MEF2A: variants seen among roughly 807,000 people sequenced by gnomAD.
MEF2A encodes the protein myocyte-specific enhancer factor 2A.
A neutral mutation model predicts 55.8 loss-of-function variants in MEF2A; 28 were observed. The observed-to-expected ratio is 0.50, with a 90% CI of 0.37 to 0.69. The LOEUF (loss-of-function observed/expected upper bound fraction) is 0.69. MEF2A is among the 30% of genes least tolerant of loss of function. MEF2A has a pLI of 0.00. For missense variants in MEF2A, 528 were observed against 626.2 expected (o/e 0.84, Z 1.67); for synonymous variants, 239 against 227.1 (o/e 1.05, Z -0.47).
chr15:99,648,739 G>A lies in MEF2A; in HGVS notation c.258+2975G>A, dbSNP rs144458256. ...GACAGAGTCTTGAGTATATTAACAT[G>A]GCGTCTTCATTAGATGTGTTCCTCT... is the stretch of plus-strand genomic sequence containing the variant. On this transcript the variant is annotated intron_variant, in intron 4 of 11. Transcript: ENST00000557942. Among the ~76,000 whole-genome samples, 467 of 152,154 alleles carry A rather than the reference G, an allele frequency of 3.1e-3. 4 individuals carry two copies. Among genetic ancestry groups the A allele is most frequent in the African/African-American group, 0.01 (431 of 41,508 alleles).
intron 1 of MEF2A, among the ~76,000 whole-genome samples, chr15:99,571,387 A>G (rs1011260084): frequency 6.6e-6 from 1 of 152,200 alleles, no homozygotes; most frequent in South Asian, 2.1e-4. Context: ...TGTGTATTAT[A>G]AAGTGCAGTG....
chr15:99,716,371 T>C lies in MEF2A; in HGVS notation c.*3600T>C, dbSNP rs534904387. 2 of 368,302 alleles carry C rather than the reference T, an allele frequency of 5.4e-6. No homozygotes were observed. Among genetic ancestry groups the C allele is most frequent in the Non-Finnish European group, 1.1e-5 (2 of 182,942 alleles). The allele number at this position is 368,302 out of a possible 1,614,324, so 22.8% of individuals were successfully genotyped here. A position where few individuals can be genotyped will look rare whatever the true frequency, so the allele number is the denominator to read the frequency against. ...TCCCTGAATGTGTTGTTTTTCTTCATTATACAATAAATATAATAGTGAACT... is the reference window on the plus strand; with the variant it reads ...TCCCTGAATGTGTTGTTTTTCTTCACTATACAATAAATATAATAGTGAACT... On this transcript the variant is annotated 3_prime_UTR_variant, in exon 12 of 12. Transcript: ENST00000557942.
chr15:99,580,637 A>G (rs978812806), intron 1 of MEF2A, among the ~76,000 whole-genome samples: 2 of 152,224 alleles, frequency 1.3e-5, no homozygotes, highest in African/African-American at 2.4e-5. Flanking sequence ...AAGGTTATTC[A>G]GAGGTTTGTG....
intron 7 of MEF2A, among the ~76,000 whole-genome samples, chr15:99,682,436 G>A (rs1199036139): frequency 6.6e-6 from 1 of 151,866 alleles, no homozygotes; most frequent in Non-Finnish European, 1.5e-5. Flanking sequence ...TCCTAGGTTT[G>A]TAAACTGTGG....
At chr15:99,610,999 C>T (rs765363521) in intron 2 of MEF2A, among the ~76,000 whole-genome samples, 5 of 152,146 alleles carry the variant, frequency 3.3e-5, no homozygotes, top group South Asian at 2.1e-4. Flanking sequence ...CCCAGCACTT[C>T]GGGAGGCCGA....
rs141221668 is a variant in MEF2A, at chr15:99,626,854, C to T, written c.-142-6124C>T. 3.0e-3 allele frequency among the ~76,000 whole-genome samples: 458 copies of T among 152,096 alleles called. 4 individuals carry two copies. Among genetic ancestry groups the T allele is most frequent in the African/African-American group, 0.01 (427 of 41,472 alleles). On this transcript the variant is annotated intron_variant, in intron 2 of 11. Coordinates refer to ENST00000557942, the MANE Select transcript of MEF2A (RefSeq NM_001319206.4). ...ACAAGCAAAGTCATCTAACCGAAAGCGAAGATGACTGATGCATGTTGGAGA... is the reference window on the plus strand; with the variant it reads ...ACAAGCAAAGTCATCTAACCGAAAGTGAAGATGACTGATGCATGTTGGAGA...
intron 1 of MEF2A, among the ~76,000 whole-genome samples, chr15:99,583,476 T>G (rs1966521256): frequency 6.6e-6 from 1 of 152,164 alleles, no homozygotes; most frequent in Non-Finnish European, 1.5e-5. Flanking sequence ...TTTTAAAGTG[T>G]TCCTATTTTT....
intron 7 of MEF2A, among the ~76,000 whole-genome samples, chr15:99,688,051 G>T (rs1308699588): frequency 6.6e-6 from 1 of 152,116 alleles, no homozygotes; most frequent in Non-Finnish European, 1.5e-5. Flanking sequence ...TGAATATTTT[G>T]TTCTTTGCCA....
chr15:99,620,076 T>C (rs2040878386), intron 2 of MEF2A, among the ~76,000 whole-genome samples: 1 of 152,286 alleles, frequency 6.6e-6, no homozygotes, highest in Non-Finnish European at 1.5e-5. Context: ...GACAGTGGTG[T>C]GTATTTTAGA....
At chr15:99,565,507 G>A (rs1013375104), upstream of MEF2A, 2 of 150,710 alleles carry the variant, frequency 1.3e-5, no homozygotes, top group Non-Finnish European at 3.0e-5. Context: ...GGCGGAGCGG[G>A]GGCGGCAGGG....
chr15:99,711,791 G>T (rs2058665976), intron 11 of MEF2A, among the ~76,000 whole-genome samples: 2 of 152,228 alleles, frequency 1.3e-5, no homozygotes, highest in Non-Finnish European at 2.9e-5. Flanking sequence ...ACAGGATTTG[G>T]CCCTCAGGCC....
intron 7 of MEF2A, among the ~76,000 whole-genome samples, chr15:99,676,158 G>A (rs1051977927): frequency 2.0e-5 from 3 of 152,000 alleles, no homozygotes; most frequent in Admixed American, 6.5e-5. Context: ...TGACAAAGTA[G>A]GAATAAATGC....
At position 99,566,031 on chromosome 15, in the gene MEF2A, C is replaced by G. The variant is rs1004978949; in HGVS notation, c.-298C>G. 6.6e-6 allele frequency: 1 copy of G among 152,420 alleles called. No individual in the cohort carries two copies. The highest frequency in any genetic ancestry group is 1.9e-4 in the East Asian group (1 of 5,136). The allele number at this position is 152,420 out of a possible 1,614,324, so 9.4% of individuals were successfully genotyped here. A position where few individuals can be genotyped will look rare whatever the true frequency, so the allele number is the denominator to read the frequency against. ...GAGTCCCGGGCTGAAAGAGGCGGCT[C>G]CGGGCGGCGCGAAGCGCTGGTGGCG... On this transcript the variant is annotated 5_prime_UTR_variant, in exon 1 of 12. Transcript: ENST00000557942.
intron 1 of MEF2A, among the ~76,000 whole-genome samples, chr15:99,594,742 CATT>C (rs1970589995): frequency 6.6e-6 from 1 of 152,114 alleles, no homozygotes; most frequent in African/African-American, 2.4e-5. Context: ...TATTACATCA[CATT>C]ATTTCTATCT....
At chr15:99,687,084 CTTTTTTTTTTT>C (rs71149484) in intron 7 of MEF2A, among the ~76,000 whole-genome samples, 1 of 67,762 alleles carries the variant, frequency 1.5e-5, no homozygotes, top group East Asian at 4.5e-4. Flanking sequence ...ATTAATTTTT[CTTTTTTTTTTT>C]TTTTTTTTTT....
At chr15:99,638,274 AG>A (rs1420461804) in intron 3 of MEF2A, among the ~76,000 whole-genome samples, 36 of 152,098 alleles carry the variant, frequency 2.4e-4, no homozygotes, top group Admixed American at 2.2e-3. Context: ...TTTTTTTTAA[AG>A]ATAATGTGTC....
intron 1 of MEF2A, among the ~76,000 whole-genome samples, chr15:99,594,365 C>T (rs1436435755): frequency 1.3e-5 from 2 of 152,042 alleles, no homozygotes; most frequent in African/African-American, 4.8e-5. Context: ...TAGAAAGGGG[C>T]ACAGAGCTTC....
chr15:99,682,472 T>C (rs996181066), intron 7 of MEF2A, among the ~76,000 whole-genome samples: 1 of 152,190 alleles, frequency 6.6e-6, no homozygotes, highest in African/African-American at 2.4e-5. Context: ...ACTGAAAGTA[T>C]TTACCTCAAA....
In MEF2A at chr15:99,690,400, C is replaced by T. The variant is rs121918529; in HGVS notation, c.830C>T (p.Pro277Leu). 1,557 of 1,604,264 alleles carry T rather than the reference C, an allele frequency of 9.7e-4. 2 individuals carry two copies. The highest frequency in any genetic ancestry group is 1.2e-3 in the Non-Finnish European group (1,438 of 1,173,774). Residue 277 changes from proline (P) to leucine (L), a missense_variant, in exon 8 of 12, where the codon CCT becomes CTT. Transcript: ENST00000557942. ...RKPDLRVVIP[P>L]SSKGMMPPLS... is the part of the protein sequence containing the mutation. ...CCAGATCTTCGAGTTGTCATCCCCC[C>T]TTCAAGCAAGGGCATGATGCCTCCA... is the stretch of plus-strand genomic sequence containing the variant.
Sources: allele counts gnomAD v4.1 joint callset (sites outside exome capture counted in the v4.1 genomes callset), GRCh38; gene constraint gnomAD v4.1.1; transcripts MANE v1.5; gene names NCBI Gene and HGNC (gene_info 2026-07-23, HGNC 2026-07-21).